The following MSR1 variants were observed in gnomAD, a reference collection of about 807,000 sequenced individuals.
MSR1 encodes macrophage scavenger receptor 1.
In MSR1, 53 loss-of-function variants were observed where a neutral mutation model predicts 47.2. The ratio of observed to expected loss-of-function variants is 1.12; its 90% confidence interval spans 0.90 to 1.41. The LOEUF (loss-of-function observed/expected upper bound fraction) is 1.41. MSR1 is among the 40% of genes most tolerant of loss of function. MSR1 has a pLI of 0.00. For missense variants in MSR1, 786 were observed against 546.9 expected (o/e 1.44, Z -4.36); for synonymous variants, 239 against 185.6 (o/e 1.29, Z -2.34).
At chr8:16,182,739 TATG>T (rs1342872809) in intron 1 of MSR1, among the ~76,000 whole-genome samples, 2 of 152,152 alleles carry the variant, frequency 1.3e-5, no homozygotes, top group Non-Finnish European at 2.9e-5. Flanking sequence ...TGTCATCTCC[TATG>T]ATAACATTGC....
intron 8 of MSR1, among the ~76,000 whole-genome samples, chr8:16,126,935 G>A (rs1800142653): frequency 6.6e-6 from 1 of 152,106 alleles, no homozygotes; most frequent in Non-Finnish European, 1.5e-5. Flanking sequence ...ATTCCTTGTG[G>A]GGATTAAGTA....
At chr8:16,128,461 G>A (rs551602523) in intron 8 of MSR1, among the ~76,000 whole-genome samples, 12 of 152,102 alleles carry the variant, frequency 7.9e-5, no homozygotes, top group South Asian at 2.1e-4. Context: ...GAAGGGGGCC[G>A]TCTGCAAGCC....
chr8:16,189,322 T>TTTATA (rs1421667642), intron 1 of MSR1, among the ~76,000 whole-genome samples: 1 of 123,058 alleles, frequency 8.1e-6, no homozygotes, highest in African/African-American at 3.1e-5. Context: ...AAAATCTTAT[T>TTTATA]TACATTTCAT....
At chr8:16,124,098 T>C (rs1360909190) in intron 8 of MSR1, among the ~76,000 whole-genome samples, 1 of 152,180 alleles carries the variant, frequency 6.6e-6, no homozygotes, top group African/African-American at 2.4e-5. Flanking sequence ...GCCTATTTCT[T>C]AGTGATAGTT....
intron 1 of MSR1, among the ~76,000 whole-genome samples, chr8:16,183,541 T>C (rs1401304434): frequency 1.4e-5 from 2 of 145,758 alleles, no homozygotes; most frequent in Non-Finnish European, 3.0e-5. Context: ...TAATACATAT[T>C]TATATATACA....
At chr8:16,131,675 A>C (rs1483928587) in intron 8 of MSR1, among the ~76,000 whole-genome samples, 1 of 151,838 alleles carries the variant, frequency 6.6e-6, no homozygotes, top group Non-Finnish European at 1.5e-5. Flanking sequence ...GTAAGGAAAG[A>C]GTTCAGTTTC....
chr8:16,168,573 G>A lies in MSR1; in HGVS notation c.515C>T (p.Ala172Val). The A allele has an allele frequency of 6.2e-7, 1 of 1,614,060 alleles. No individual in the cohort carries two copies. ...LFSSVQGHGNAIDEISKSLIS... is the reference protein window; with the variant it reads ...LFSSVQGHGNVIDEISKSLIS... Reference sequence around the variant, plus strand: ...TAAGGACTTGGAGATTTCATCTATTGCATTCCCATGTCCCTGGACTGAGGA... The same window carrying A: ...TAAGGACTTGGAGATTTCATCTATTACATTCCCATGTCCCTGGACTGAGGA... The change falls in exon 4 of 10, where the codon GCA becomes GTA. Residue 172 changes from alanine (A) to valine (V), a missense_variant. Coordinates refer to ENST00000262101, the MANE Select transcript of MSR1 (RefSeq NM_138715.3).
At chr8:16,187,231 C>T (rs1018565459) in intron 1 of MSR1, among the ~76,000 whole-genome samples, 14 of 151,380 alleles carry the variant, frequency 9.2e-5, no homozygotes, top group Non-Finnish European at 1.3e-4. Flanking sequence ...AGTGTGGTGG[C>T]GGGTACCTCT....
At chr8:16,152,845 G>A (rs1197207788) in intron 6 of MSR1, among the ~76,000 whole-genome samples, 1 of 152,036 alleles carries the variant, frequency 6.6e-6, no homozygotes, top group African/African-American at 2.4e-5. Context: ...TTCTGTATCT[G>A]TTTACACATA....
intron 1 of MSR1, among the ~76,000 whole-genome samples, chr8:16,186,678 G>C (rs924773238): frequency 1.3e-5 from 2 of 150,738 alleles, no homozygotes; most frequent in African/African-American, 4.9e-5. Context: ...CTCTTGCTCA[G>C]GCTGGAGTGC....
At chr8:16,116,422 A>G (rs1423297385) in intron 9 of MSR1, among the ~76,000 whole-genome samples, 2 of 152,290 alleles carry the variant, frequency 1.3e-5, no homozygotes. Flanking sequence ...TTATTGTTTG[A>G]TGATAATAAA....
intron 9 of MSR1, among the ~76,000 whole-genome samples, chr8:16,114,888 T>C (rs533912098): frequency 1.4e-4 from 22 of 152,200 alleles, no homozygotes; most frequent in Non-Finnish European, 2.4e-4. Context: ...TCATTTAAAT[T>C]GTTTTCTGGC....
intron 1 of MSR1, among the ~76,000 whole-genome samples, chr8:16,181,206 T>C (rs1294310885): frequency 6.6e-6 from 1 of 152,206 alleles, no homozygotes; most frequent in African/African-American, 2.4e-5. Context: ...TTTGGGAATA[T>C]ACGCAGTAAT....
At chr8:16,175,362 T>A (rs1253154317) in intron 2 of MSR1, 62 bp from the exon 3 acceptor site, 3 of 1,333,042 alleles carry the variant, frequency 2.3e-6, no homozygotes, top group East Asian at 4.6e-5. Context: ...ATAATTAAAA[T>A]TGTTTTAATC....
chr8:16,112,746 G>T (rs1189238762), intron 9 of MSR1, among the ~76,000 whole-genome samples: 1 of 151,618 alleles, frequency 6.6e-6, no homozygotes, highest in Non-Finnish European at 1.5e-5. Flanking sequence ...TTGTGCCTCT[G>T]AACTATTCTT....
rs775042850 is a variant in MSR1 at position 16,110,235 on chromosome 8, T to C, written c.1223-17A>G. ...GACCAGTACCTGCAATAATGAGGTA[T>C]AACTGCATTAGTAAGTTTAGAGTTT... On this transcript the variant is annotated splice_polypyrimidine_tract_variant and intron_variant, in intron 9 of 9. Coordinates refer to ENST00000262101, the MANE Select transcript of MSR1 (RefSeq NM_138715.3). 6 of 1,612,458 alleles carry C rather than the reference T, an allele frequency of 3.7e-6. No individual in the cohort carries two copies. The highest frequency in any genetic ancestry group is 1.7e-5 in the Admixed American group (1 of 59,976).
intron 1 of MSR1, chr8:16,186,094 T>A (rs1801989909): frequency 1.5e-6 from 2 of 1,306,314 alleles, no homozygotes; most frequent in Admixed American, 4.2e-5. Flanking sequence ...CTTGCAAGAT[T>A]GGCAGTAATA....
chr8:16,170,933 T>C (rs1470332999), intron 3 of MSR1, among the ~76,000 whole-genome samples: 1 of 152,214 alleles, frequency 6.6e-6, no homozygotes, highest in Non-Finnish European at 1.5e-5. Flanking sequence ...GCCTTGTACA[T>C]GAGAGACATT....
intron 1 of MSR1, among the ~76,000 whole-genome samples, chr8:16,179,498 C>A (rs1381205895): frequency 2.0e-5 from 3 of 152,096 alleles, no homozygotes; most frequent in African/African-American, 7.2e-5. Flanking sequence ...ATTTTAATTA[C>A]TCTATTTGCT....
Sources: allele counts gnomAD v4.1 joint callset (sites outside exome capture counted in the v4.1 genomes callset), GRCh38; gene constraint gnomAD v4.1.1; transcripts MANE v1.5; gene names NCBI Gene and HGNC (gene_info 2026-07-23, HGNC 2026-07-21).